EPB41L2: variants seen among roughly 807,000 people sequenced by gnomAD.
EPB41L2 encodes band 4.1-like protein 2.
A neutral mutation model predicts 113.0 loss-of-function variants in EPB41L2; 43 were observed. The ratio of observed to expected loss-of-function variants is 0.38; its 90% CI spans 0.30 to 0.49. The LOEUF (loss-of-function observed/expected upper bound fraction) is 0.49. Ranked by LOEUF, EPB41L2 falls within the 20% of genes least tolerant of loss-of-function variation. The pLI, the probability that EPB41L2 is intolerant of heterozygous loss-of-function variation, is 0.95. For missense variants in EPB41L2, 1,147 were observed against 1,223.4 expected (o/e 0.94, Z 0.93); for synonymous variants, 442 against 436.7 (o/e 1.01, Z -0.15).
At chr6:130,901,406 A>G (rs963794429) in intron 6 of EPB41L2, among the ~76,000 whole-genome samples, 4 of 151,904 alleles carry the variant, frequency 2.6e-5, no homozygotes, top group Non-Finnish European at 4.4e-5. Context: ...GCTAATTTAT[A>G]TGTGTGTGTG....
At chr6:130,900,911 A>G in intron 7 of EPB41L2, 51 bp downstream of exon 7, 1 of 1,578,024 alleles carries the variant, frequency 6.3e-7, no homozygotes, top group Non-Finnish European at 8.7e-7. Context: ...CTACAAGAGA[A>G]GCTATTTAAA....
intron 1 of EPB41L2, among the ~76,000 whole-genome samples, chr6:130,998,231 T>C (rs1783589169): frequency 6.6e-6 from 1 of 152,230 alleles, no homozygotes; most frequent in Non-Finnish European, 1.5e-5. Context: ...GACTTTGACT[T>C]TCTTTCCAAG....
intron 4 of EPB41L2, among the ~76,000 whole-genome samples, chr6:130,921,398 T>C (rs1432966582): frequency 6.6e-6 from 1 of 152,146 alleles, no homozygotes. Context: ...AATTAACCCA[T>C]GATCTAAGTT....
chr6:130,867,746 A>G (rs1312019345), intron 15 of EPB41L2, 165 bp from the exon 16 acceptor site: 12 of 843,048 alleles, frequency 1.4e-5, no homozygotes, highest in Non-Finnish European at 2.2e-5. Context: ...AAATAAAAGA[A>G]AAATTTTCCT....
At chr6:131,043,769 AGTT>A (rs1794887383) in intron 1 of EPB41L2, among the ~76,000 whole-genome samples, 1 of 152,222 alleles carries the variant, frequency 6.6e-6, no homozygotes, top group South Asian at 2.1e-4. Context: ...TAATTTATTT[AGTT>A]ATTATAATGG....
intron 1 of EPB41L2, among the ~76,000 whole-genome samples, chr6:131,042,944 T>A (rs1303138207): frequency 6.6e-6 from 1 of 152,208 alleles, no homozygotes; most frequent in African/African-American, 2.4e-5. Flanking sequence ...AATTTCTAAG[T>A]GGTTCCATCT....
intron 1 of EPB41L2, among the ~76,000 whole-genome samples, chr6:130,986,933 TTC>T (rs1780697237): frequency 1.3e-5 from 2 of 152,316 alleles, no homozygotes; most frequent in East Asian, 1.9e-4. Context: ...CTAATCTACT[TTC>T]TGTTTCTATA....
chr6:130,904,224 A>G (rs991799827), intron 6 of EPB41L2, among the ~76,000 whole-genome samples: 8 of 152,224 alleles, frequency 5.3e-5, no homozygotes, highest in African/African-American at 1.9e-4. Flanking sequence ...AGTTGTCAGC[A>G]GTATCATTTT....
intron 12 of EPB41L2, chr6:130,882,993 A>G (rs1789804543): frequency 6.5e-6 from 1 of 152,760 alleles, no homozygotes; most frequent in African/African-American, 2.4e-5. Flanking sequence ...CCCTGCTCCG[A>G]TATTTCACCT....
rs59223991 is a variant in EPB41L2 at position 130,964,026 on chromosome 6, C to CT, written c.-14-7528dup. ...AAGCTATATTCTTTCTTTTCTTTTCCTTTTTTTTTTTTCACACGAAGTCTC... is the reference window on the plus strand; with the variant it reads ...AAGCTATATTCTTTCTTTTCTTTTCCTTTTTTTTTTTTTCACACGAAGTCTC... On this transcript the variant is annotated intron_variant, in intron 1 of 19. Transcript: ENST00000337057. Among the ~76,000 whole-genome samples the CT allele has an allele frequency of 7.6e-4, 111 of 145,646 alleles. 2 individuals are homozygous for CT. The highest frequency in any genetic ancestry group is 6.6e-3 in the East Asian group (33 of 5,020).
chr6:130,944,740 A>C (rs899255987), intron 3 of EPB41L2, among the ~76,000 whole-genome samples: 13 of 152,196 alleles, frequency 8.5e-5, no homozygotes, highest in Admixed American at 6.6e-5. Flanking sequence ...CCAACTTGAC[A>C]CAAGGGAAGA....
chr6:130,958,154 A>G (rs1818083884), intron 1 of EPB41L2, among the ~76,000 whole-genome samples: 2 of 152,098 alleles, frequency 1.3e-5, no homozygotes, highest in Admixed American at 1.3e-4. Context: ...CATGTTGCAC[A>G]AAAAACACAG....
At chr6:130,971,971 C>T (rs1776907785) in intron 1 of EPB41L2, among the ~76,000 whole-genome samples, 1 of 152,022 alleles carries the variant, frequency 6.6e-6, no homozygotes, top group Admixed American at 6.6e-5. Context: ...GTATAGTTAC[C>T]GTGATGTAGC....
chr6:130,991,194 G>A (rs955790540), intron 1 of EPB41L2, among the ~76,000 whole-genome samples: 1 of 152,052 alleles, frequency 6.6e-6, no homozygotes, highest in African/African-American at 2.4e-5. Flanking sequence ...TGTCAATTTT[G>A]CGTCTGTCAT....
intron 4 of EPB41L2, among the ~76,000 whole-genome samples, chr6:130,917,565 G>A (rs79054832): frequency 0.013 from 1,959 of 151,790 alleles, 56 homozygotes; most frequent in African/African-American, 0.045. Flanking sequence ...CCTCTTATTA[G>A]TTTCCCATCT....
At chr6:130,894,010 T>C (rs1026721641) in intron 10 of EPB41L2, among the ~76,000 whole-genome samples, 1 of 152,000 alleles carries the variant, frequency 6.6e-6, no homozygotes, top group African/African-American at 2.4e-5. Context: ...AGCTCAGTTA[T>C]AAATGACAAT....
intron 1 of EPB41L2, among the ~76,000 whole-genome samples, chr6:130,989,613 A>C (rs377730690): frequency 6.2e-4 from 95 of 152,346 alleles, no homozygotes; most frequent in Middle Eastern, 6.8e-3. Flanking sequence ...AATTTTTCTT[A>C]AGTTTTGCTG....
chr6:131,040,230 G>A (rs905188793), intron 1 of EPB41L2, among the ~76,000 whole-genome samples: 7 of 152,138 alleles, frequency 4.6e-5, no homozygotes, highest in African/African-American at 1.7e-4. Flanking sequence ...CTGAGGCCAG[G>A]GATTCGAGAC....
At chr6:130,990,030 T>C (rs1781458260) in intron 1 of EPB41L2, among the ~76,000 whole-genome samples, 1 of 151,974 alleles carries the variant, frequency 6.6e-6, no homozygotes. Flanking sequence ...TAAAACACAA[T>C]AGTGGATCAG....
Sources: gnomAD v4.1 joint callset for allele counts (sites outside exome capture counted in the v4.1 genomes callset) on GRCh38, gnomAD v4.1.1 for gene constraint, MANE v1.5 for transcripts, NCBI Gene and HGNC (gene_info 2026-07-23, HGNC 2026-07-21) for gene names.